The following SEM1 variants were observed in gnomAD, a reference collection of about 807,000 sequenced individuals.
The protein encoded by SEM1 is 26S proteasome complex subunit SEM1.
A neutral mutation model predicts 12.7 loss-of-function variants in SEM1; 3 were observed. The ratio of observed to expected loss-of-function variants is 0.24; its 90% CI spans 0.11 to 0.61. SEM1 has a LOEUF of 0.61. SEM1 is among the 20% of genes least tolerant of loss of function. SEM1 has a pLI of 0.88. For missense variants in SEM1, 59 were observed against 81.3 expected, an observed-to-expected ratio of 0.73 and a Z score of 1.06; for synonymous variants, 30 against 27.8, an observed-to-expected ratio of 1.08 and a Z score of -0.25.
At chr7:96,650,538 G>A (rs1183836305) in intron 2 of SEM1, 1 of 744,718 alleles carries the variant, frequency 1.3e-6, no homozygotes, top group East Asian at 2.5e-5. Context: ...TGAAAGGAGA[G>A]AAAGATAAGA....
In SEM1 at chr7:96,709,567, C is replaced by T. The variant is rs561581649; in HGVS notation, c.76+121G>A. 1.6e-5 allele frequency: 14 copies of T among 878,654 alleles called. No homozygotes were observed. The South Asian group carries it at 1.7e-4, about 11-fold the overall frequency. The allele number at this position is 878,654 out of a possible 1,614,324, so 54.4% of individuals were successfully genotyped here. A position where few individuals can be genotyped will look rare whatever the true frequency, so the allele number is the denominator to read the frequency against. On this transcript the variant is annotated intron_variant, in intron 1 of 2. Transcript: ENST00000248566. Reference sequence around the variant, plus strand: ...GGGTGAGCGTTAGCGCCTCGAGTGCCGGCCCTGGGAGTCCAAACTTCCCGC... The same window carrying T: ...GGGTGAGCGTTAGCGCCTCGAGTGCTGGCCCTGGGAGTCCAAACTTCCCGC...
At chr7:96,488,485 A>G (rs913271753) in intron 1 of SEM1, among the ~76,000 whole-genome samples, 4 of 152,312 alleles carry the variant, frequency 2.6e-5, no homozygotes, top group Admixed American at 2.0e-4. Context: ...TAGTAGGGCC[A>G]TAAAGGCATA....
intron 2 of SEM1, among the ~76,000 whole-genome samples, chr7:96,548,960 G>A (rs1397606925): frequency 3.9e-5 from 6 of 152,080 alleles, no homozygotes; most frequent in East Asian, 1.9e-4. Flanking sequence ...GACAGGGAGC[G>A]CATGAGTTCA....
chr7:96,567,597 T>G (rs1390308399), intron 2 of SEM1, among the ~76,000 whole-genome samples: 1 of 151,580 alleles, frequency 6.6e-6, no homozygotes, highest in Non-Finnish European at 1.5e-5. Flanking sequence ...GAAAATATTT[T>G]GAGTAGTTTC....
At chr7:96,530,597 T>C (rs1804609305) in intron 2 of SEM1, among the ~76,000 whole-genome samples, 1 of 152,146 alleles carries the variant, frequency 6.6e-6, no homozygotes. Context: ...ATCAGGGTCC[T>C]CATGAGGGAT....
At chr7:96,583,437 A>T (rs553632985) in intron 2 of SEM1, among the ~76,000 whole-genome samples, 2 of 145,842 alleles carry the variant, frequency 1.4e-5, no homozygotes, top group African/African-American at 5.0e-5. Flanking sequence ...GCTGAAAAAA[A>T]TGTATATTCT....
chr7:96,707,578 T>G (rs557452415), intron 1 of SEM1, among the ~76,000 whole-genome samples: 1 of 152,240 alleles, frequency 6.6e-6, no homozygotes, highest in African/African-American at 2.4e-5. Flanking sequence ...GTCAATTACT[T>G]AATGTTAATA....
At chr7:96,707,581 T>C (rs1417359327) in intron 1 of SEM1, among the ~76,000 whole-genome samples, 1 of 152,248 alleles carries the variant, frequency 6.6e-6, no homozygotes, top group Non-Finnish European at 1.5e-5. Context: ...AATTACTTAA[T>C]GTTAATAAAC....
chr7:96,590,604 G>C (rs1225409271), intron 2 of SEM1, among the ~76,000 whole-genome samples: 3 of 152,174 alleles, frequency 2.0e-5, no homozygotes, highest in African/African-American at 4.8e-5. Flanking sequence ...CAAAGACATT[G>C]CTTAGGATGT....
At chr7:96,555,902 A>G (rs1338636091) in intron 2 of SEM1, among the ~76,000 whole-genome samples, 30 of 147,956 alleles carry the variant, frequency 2.0e-4, no homozygotes, top group East Asian at 1.0e-3. Flanking sequence ...TATTTAGGAT[A>G]GTTAGCTCTT....
chr7:96,533,490 A>G (rs1563049816), intron 2 of SEM1, among the ~76,000 whole-genome samples: 1 of 151,968 alleles, frequency 6.6e-6, no homozygotes, highest in African/African-American at 2.4e-5. Flanking sequence ...AGACTGTCTG[A>G]TATTTGTGTA....
chr7:96,522,022 G>C (rs1804290406), intron 2 of SEM1, among the ~76,000 whole-genome samples: 1 of 151,990 alleles, frequency 6.6e-6, no homozygotes, highest in Non-Finnish European at 1.5e-5. Flanking sequence ...TAGAGAAAGA[G>C]AAGAAAAAAA....
intron 2 of SEM1, among the ~76,000 whole-genome samples, chr7:96,628,977 C>A (rs1808160824): frequency 6.6e-6 from 1 of 152,168 alleles, no homozygotes; most frequent in Non-Finnish European, 1.5e-5. Context: ...TCTCTTCTGG[C>A]CTATAAGGTT....
chr7:96,589,636 T>G (rs1806765750), intron 2 of SEM1, among the ~76,000 whole-genome samples: 1 of 152,316 alleles, frequency 6.6e-6, no homozygotes, highest in South Asian at 2.1e-4. Flanking sequence ...TGTTTGCAGG[T>G]ATTAAATTCC....
chr7:96,627,632 T>C (rs1378997322), intron 2 of SEM1, among the ~76,000 whole-genome samples: 2 of 152,190 alleles, frequency 1.3e-5, no homozygotes, highest in East Asian at 1.9e-4. Context: ...TCAGAGAAGA[T>C]GCTTGATATG....
At chr7:96,636,102 C>A (rs902528987) in intron 2 of SEM1, among the ~76,000 whole-genome samples, 1 of 151,862 alleles carries the variant, frequency 6.6e-6, no homozygotes, top group Non-Finnish European at 1.5e-5. Flanking sequence ...AGGCTCAAAA[C>A]CAAATTAAAT....
intron 2 of SEM1, among the ~76,000 whole-genome samples, chr7:96,651,503 T>C (rs796332554): frequency 5.9e-5 from 9 of 152,166 alleles, no homozygotes; most frequent in African/African-American, 1.9e-4. Context: ...AAGGCATGTG[T>C]GATCATCAGG....
intron 2 of SEM1, among the ~76,000 whole-genome samples, chr7:96,586,284 C>T (rs1217162161): frequency 6.6e-6 from 1 of 152,146 alleles, no homozygotes; most frequent in African/African-American, 2.4e-5. Flanking sequence ...TTCCAGCTGC[C>T]AGTGGTAGGA....
chr7:96,656,876 T>TATAC (rs891240099), intron 2 of SEM1, among the ~76,000 whole-genome samples: 3 of 139,834 alleles, frequency 2.1e-5, no homozygotes, highest in East Asian at 2.0e-4. Context: ...TATATATATA[T>TATAC]ACACACACAC....
Sources: gnomAD v4.1 joint callset for allele counts (sites outside exome capture counted in the v4.1 genomes callset) on GRCh38, gnomAD v4.1.1 for gene constraint, MANE v1.5 for transcripts, NCBI Gene and HGNC (gene_info 2026-07-23, HGNC 2026-07-21) for gene names.